The following NRG3 variants were observed in gnomAD, a reference collection of about 807,000 sequenced individuals.
NRG3 encodes pro-neuregulin-3, membrane-bound isoform.
A neutral mutation model predicts 66.9 loss-of-function variants in NRG3; 31 were observed. The ratio of observed to expected loss-of-function variants is 0.46; its 90% CI spans 0.35 to 0.63. The LOEUF is 0.63. Among genes scored for constraint, NRG3 ranks in the 20% least tolerant of loss-of-function variants. The pLI is 0.00. For missense variants in NRG3, 910 were observed against 878.9 expected, an observed-to-expected ratio of 1.04 and a Z score of -0.45; for synonymous variants, 393 against 359.4, an observed-to-expected ratio of 1.09 and a Z score of -1.06.
rs77455076 is a variant in NRG3, at chr10:82,511,712, A to G, written c.953+152844A>G. Among the ~76,000 whole-genome samples, 37 of 152,352 alleles carry G rather than the reference A, an allele frequency of 2.4e-4. No individual in the cohort carries two copies. The East Asian group carries it at 3.3e-3, about 13-fold the overall frequency. The stretch of plus-strand genomic sequence containing the variant: ...CACCAGAGTCACTGGAAGAAAGGAC[A>G]GAACAAATCCTTCACGTAGCCTTGG... On this transcript the variant is annotated intron_variant, in intron 2 of 8. Transcript: ENST00000372141.
chr10:82,348,512 A>G (rs2135474329), intron 1 of NRG3, among the ~76,000 whole-genome samples: 1 of 149,530 alleles, frequency 6.7e-6, no homozygotes, highest in Admixed American at 6.7e-5. Context: ...TTTTTCCTTC[A>G]TTTCAACTTT....
chr10:82,136,482 A>G (rs1186225842), intron 1 of NRG3, among the ~76,000 whole-genome samples: 1 of 152,184 alleles, frequency 6.6e-6, no homozygotes, highest in Non-Finnish European at 1.5e-5. Context: ...GCCTGGAGTC[A>G]GAAACATTAG....
intron 1 of NRG3, among the ~76,000 whole-genome samples, chr10:82,083,137 C>T (rs2065490821): frequency 6.6e-6 from 1 of 151,974 alleles, no homozygotes; most frequent in Non-Finnish European, 1.5e-5. Flanking sequence ...CACTCACACA[C>T]ATGACTTAAG....
At chr10:81,898,732 G>A (rs2098007208) in intron 1 of NRG3, among the ~76,000 whole-genome samples, 6 of 150,538 alleles carry the variant, frequency 4.0e-5, no homozygotes, top group Admixed American at 4.0e-4. Context: ...AGAAATACTT[G>A]AAATATTTGA....
At chr10:82,199,226 G>A (rs372393720) in intron 1 of NRG3, among the ~76,000 whole-genome samples, 1 of 150,938 alleles carries the variant, frequency 6.6e-6, no homozygotes, top group Non-Finnish European at 1.5e-5. Context: ...ATAACTAAGA[G>A]TATATACTAA....
intron 4 of NRG3, among the ~76,000 whole-genome samples, chr10:82,932,115 T>G (rs1452642921): frequency 1.3e-5 from 2 of 152,160 alleles, no homozygotes; most frequent in African/African-American, 4.8e-5. Context: ...AAGTTCCATC[T>G]CCTTCTCTCC....
At chr10:81,904,467 C>T (rs1011713254) in intron 1 of NRG3, among the ~76,000 whole-genome samples, 20 of 152,126 alleles carry the variant, frequency 1.3e-4, no homozygotes, top group African/African-American at 4.8e-4. Context: ...GCTTGGACTC[C>T]TTCAATGCTA....
intron 2 of NRG3, among the ~76,000 whole-genome samples, chr10:82,472,378 G>T (rs1027856137): frequency 6.6e-6 from 1 of 152,206 alleles, no homozygotes; most frequent in Non-Finnish European, 1.5e-5. Flanking sequence ...AGCTTCACAG[G>T]TATATAAGTG....
At position 82,967,534 on chromosome 10, in the gene NRG3, G is replaced by A. The variant is rs1385765762; in HGVS notation, c.1285-6254G>A. ...ACTGTTCAACTTTAATGGCTAGGCG[G>A]TGCATTTGGGCGGTAGTTTTGCCTT... On this transcript the variant is annotated intron_variant, in intron 6 of 8. Transcript: ENST00000372141. Among the ~76,000 whole-genome samples, 3 of 152,226 alleles carry A rather than the reference G, an allele frequency of 2.0e-5. No homozygotes were observed. The South Asian group carries it at 6.2e-4, about 32-fold the overall frequency.
chr10:82,595,010 G>A (rs2047191386), intron 2 of NRG3, among the ~76,000 whole-genome samples: 1 of 151,332 alleles, frequency 6.6e-6, no homozygotes, highest in African/African-American at 2.4e-5. Flanking sequence ...TTTTAGAGAT[G>A]GGGTCTTGCT....
intron 2 of NRG3, among the ~76,000 whole-genome samples, chr10:82,729,066 G>A (rs1420918047): frequency 2.0e-5 from 3 of 152,118 alleles, no homozygotes; most frequent in Non-Finnish European, 4.4e-5. Flanking sequence ...TTAGAAAGGA[G>A]CACCTGAGAC....
chr10:82,771,201 C>G (rs2059700961), intron 3 of NRG3, among the ~76,000 whole-genome samples: 1 of 152,016 alleles, frequency 6.6e-6, no homozygotes, highest in African/African-American at 2.4e-5. Flanking sequence ...AGTTACTAAT[C>G]TTGGAAAAAT....
intron 1 of NRG3, among the ~76,000 whole-genome samples, chr10:82,295,087 A>G (rs2134666293): frequency 6.6e-6 from 1 of 152,302 alleles, no homozygotes; most frequent in Non-Finnish European, 1.5e-5. Context: ...AAAAAATTCA[A>G]CCTGTTTATG....
chr10:82,233,756 A>T (rs1234171375), intron 1 of NRG3, among the ~76,000 whole-genome samples: 1 of 152,128 alleles, frequency 6.6e-6, no homozygotes, highest in East Asian at 1.9e-4. Flanking sequence ...TCAAACCAGA[A>T]ACCATTGGCT....
intron 1 of NRG3, among the ~76,000 whole-genome samples, chr10:82,147,478 A>G (rs2070342246): frequency 6.6e-6 from 1 of 152,322 alleles, no homozygotes; most frequent in African/African-American, 2.4e-5. Context: ...ACTCATTTCC[A>G]TTATTTTAAT....
At chr10:82,239,177 G>A (rs1257206030) in intron 1 of NRG3, among the ~76,000 whole-genome samples, 1 of 151,672 alleles carries the variant, frequency 6.6e-6, no homozygotes, top group Non-Finnish European at 1.5e-5. Context: ...TCACAAAAAG[G>A]AACTTATTTT....
chr10:82,442,795 T>G (rs2090505154), intron 2 of NRG3, among the ~76,000 whole-genome samples: 1 of 139,610 alleles, frequency 7.2e-6, no homozygotes, highest in South Asian at 2.3e-4. Context: ...TTTTTTTTTT[T>G]TTTTTTTTTT....
chr10:82,473,808 CG>C, intron 2 of NRG3, among the ~76,000 whole-genome samples: 1 of 151,938 alleles, frequency 6.6e-6, no homozygotes, highest in Non-Finnish European at 1.5e-5. Flanking sequence ...TAGATTTGAC[CG>C]CAGTCTGAAG....
At chr10:82,866,726 A>G (rs1840779609) in intron 4 of NRG3, among the ~76,000 whole-genome samples, 1 of 152,200 alleles carries the variant, frequency 6.6e-6, no homozygotes, top group South Asian at 2.1e-4. Context: ...TCATCATGAG[A>G]GCGCTTGAAC....
Sources: gnomAD v4.1 joint callset for allele counts (sites outside exome capture counted in the v4.1 genomes callset) on GRCh38, gnomAD v4.1.1 for gene constraint, MANE v1.5 for transcripts, NCBI Gene and HGNC (gene_info 2026-07-23, HGNC 2026-07-21) for gene names.